Variants in RIMS1 observed in about 807,000 individuals in gnomAD.
The protein encoded by RIMS1 is regulating synaptic membrane exocytosis 1.
RIMS1 carries 83 observed loss-of-function variants against 214.1 expected under a neutral mutation model. The ratio of observed to expected loss-of-function variants is 0.39; its 90% CI spans 0.32 to 0.47. The LOEUF (loss-of-function observed/expected upper bound fraction) is 0.47. Among genes scored for constraint, RIMS1 ranks in the 20% least tolerant of loss-of-function variants. The probability of loss-of-function intolerance (pLI) is 0.99; values close to 1 mark genes in which losing one functional copy is unlikely to be tolerated. For synonymous variants in RIMS1, 793 were observed against 786.8 expected, an observed-to-expected ratio of 1.01 and a Z score of -0.13; for missense variants, 2,050 against 2,161.8, an observed-to-expected ratio of 0.95 and a Z score of 1.03.
chr6:71,977,953 G>A (rs999578492), intron 2 of RIMS1, among the ~76,000 whole-genome samples: 2 of 152,152 alleles, frequency 1.3e-5, no homozygotes, highest in African/African-American at 4.8e-5. Context: ...CGGGTTGTAA[G>A]GAAAGAGAAC....
At chr6:72,129,306 A>G (rs1199175225) in intron 4 of RIMS1, among the ~76,000 whole-genome samples, 1 of 152,172 alleles carries the variant, frequency 6.6e-6, no homozygotes, top group Non-Finnish European at 1.5e-5. Context: ...TGGCATATAC[A>G]TTTCACTATA....
chr6:71,968,029 G>A (rs2151326799), intron 1 of RIMS1, among the ~76,000 whole-genome samples: 1 of 152,300 alleles, frequency 6.6e-6, no homozygotes, highest in Non-Finnish European at 1.5e-5. Context: ...CTCCATGAAA[G>A]CTCTTAAGAA....
At position 72,154,437 on chromosome 6, in the gene RIMS1, A is replaced by G. The variant is rs1368363684; in HGVS notation, c.472-25138A>G. On this transcript the variant is annotated intron_variant, in intron 4 of 33. Transcript: ENST00000521978. Reference sequence around the variant, plus strand: ...CAGTTTATTAGAGATGAAAACAATGATCAAAATAGCAAAAAATCTAAAGAC... The same window carrying G: ...CAGTTTATTAGAGATGAAAACAATGGTCAAAATAGCAAAAAATCTAAAGAC... Among the ~76,000 whole-genome samples, 2 of 141,228 alleles carry G rather than the reference A, an allele frequency of 1.4e-5. 1 individual carries two copies. The highest frequency in any genetic ancestry group is 4.9e-5 in the African/African-American group (2 of 40,782). 92.7% of individuals were successfully genotyped at this position (141,228 alleles called of 152,430 possible). A position where few individuals can be genotyped will look rare whatever the true frequency, so the allele number is the denominator to read the frequency against.
Position 71,967,160 on chromosome 6 carries a change from G to A in RIMS1, c.165-1823G>A, listed in dbSNP as rs565128931. On this transcript the variant is annotated intron_variant, in intron 1 of 33. Transcript: ENST00000521978. ...TCCCAGCACTTTGGGAGGCCAAGGC[G>A]GGTGGATCACGAGGTCAGGAGATCG... Among the ~76,000 whole-genome samples the A allele has an allele frequency of 4.0e-4, 61 of 152,192 alleles. No individual in the cohort carries two copies. The Middle Eastern group carries it at 0.01, about 25-fold the overall frequency.
intron 22 of RIMS1, 44 bp from the exon 23 acceptor site, chr6:72,274,305 A>G: frequency 7.4e-7 from 1 of 1,356,988 alleles, no homozygotes; most frequent in Non-Finnish European, 1.0e-6. Context: ...TTTAGGAGTT[A>G]CTAAATGTCC....
intron 29 of RIMS1, among the ~76,000 whole-genome samples, chr6:72,347,370 G>GAA (rs139793144): frequency 0.19 from 28,886 of 151,708 alleles, 3,437 homozygotes; most frequent in South Asian, 0.27. Flanking sequence ...TTTTGGAAGA[G>GAA]TTTTCTGTAT....
intron 29 of RIMS1, among the ~76,000 whole-genome samples, chr6:72,339,319 C>T (rs144765897): frequency 4.2e-3 from 634 of 151,990 alleles, no homozygotes; most frequent in Non-Finnish European, 6.7e-3. Flanking sequence ...TTTTAGGGCA[C>T]ATGTGCACAA....
chr6:72,228,173 A>G (rs2807541), intron 6 of RIMS1, among the ~76,000 whole-genome samples: 106,726 of 151,726 alleles, frequency 0.7, 38,388 homozygotes, highest in East Asian at 0.98. Flanking sequence ...TAACGTTAAG[A>G]TTTACCTTCT....
chr6:72,191,546 A>G (rs2050077491), intron 6 of RIMS1, among the ~76,000 whole-genome samples: 1 of 152,250 alleles, frequency 6.6e-6, no homozygotes, highest in South Asian at 2.1e-4. Context: ...AAGCTCTCTC[A>G]GAACAAGATT....
intron 2 of RIMS1, among the ~76,000 whole-genome samples, chr6:71,975,672 T>G (rs748389845): frequency 1.3e-5 from 2 of 152,152 alleles, no homozygotes; most frequent in Non-Finnish European, 2.9e-5. Context: ...ACTATGTAAT[T>G]CAGGAATGTT....
intron 2 of RIMS1, among the ~76,000 whole-genome samples, chr6:72,037,552 A>G (rs1238450966): frequency 6.6e-6 from 1 of 152,028 alleles, no homozygotes; most frequent in Non-Finnish European, 1.5e-5. Flanking sequence ...TAGAGATATC[A>G]AAAAAACCCT....
chr6:72,012,847 T>C (rs1811297992), intron 2 of RIMS1, among the ~76,000 whole-genome samples: 1 of 152,226 alleles, frequency 6.6e-6, no homozygotes, highest in Non-Finnish European at 1.5e-5. Flanking sequence ...TATTATGGGC[T>C]CAGGCAGTAA....
intron 2 of RIMS1, among the ~76,000 whole-genome samples, chr6:72,020,024 C>G (rs1814107913): frequency 6.6e-6 from 1 of 152,180 alleles, no homozygotes; most frequent in East Asian, 1.9e-4. Context: ...AGGCAGAAAA[C>G]TGGGGTTCAA....
chr6:72,242,989 T>G (rs1190393499), intron 10 of RIMS1, among the ~76,000 whole-genome samples: 1 of 151,854 alleles, frequency 6.6e-6, no homozygotes, highest in Admixed American at 6.6e-5. Context: ...CAATTTTCAG[T>G]ACAATTTAAT....
At chr6:72,365,550 T>C (rs115491306) in intron 29 of RIMS1, among the ~76,000 whole-genome samples, 1,534 of 152,322 alleles carry the variant, frequency 0.01, 21 homozygotes, top group African/African-American at 0.035. Flanking sequence ...TATATGTCTA[T>C]TGACTATATA....
At chr6:72,127,178 A>G (rs1028888599) in intron 4 of RIMS1, among the ~76,000 whole-genome samples, 4 of 152,152 alleles carry the variant, frequency 2.6e-5, no homozygotes, top group Non-Finnish European at 5.9e-5. Flanking sequence ...TGATGTTAAT[A>G]TTTTATATTT....
chr6:72,230,474 G>T (rs2061598039), intron 6 of RIMS1, among the ~76,000 whole-genome samples: 1 of 151,430 alleles, frequency 6.6e-6, no homozygotes, highest in South Asian at 2.1e-4. Flanking sequence ...TTAGAGGAAT[G>T]GTTTTTTTAT....
chr6:72,007,699 T>C (rs1332182718), intron 2 of RIMS1, among the ~76,000 whole-genome samples: 1 of 152,220 alleles, frequency 6.6e-6, no homozygotes, highest in African/African-American at 2.4e-5. Flanking sequence ...GTAGCTGATT[T>C]GATCAACTGG....
chr6:72,352,711 G>A (rs1265809818), intron 29 of RIMS1, among the ~76,000 whole-genome samples: 1 of 152,064 alleles, frequency 6.6e-6, no homozygotes, highest in Non-Finnish European at 1.5e-5. Context: ...GTATAAAAGG[G>A]AAATGGAGAA....
Sources: gnomAD v4.1 joint callset for allele counts (sites outside exome capture counted in the v4.1 genomes callset) on GRCh38, gnomAD v4.1.1 for gene constraint, MANE v1.5 for transcripts, NCBI Gene and HGNC (gene_info 2026-07-23, HGNC 2026-07-21) for gene names.